Variants in TMPRSS11A observed in about 807,000 individuals in gnomAD.
The protein encoded by TMPRSS11A is transmembrane serine protease 11A.
Under a neutral mutation model 58.9 loss-of-function variants are expected in TMPRSS11A, and 53 were observed. The observed-to-expected ratio is 0.90, with a 90% CI of 0.72 to 1.13. The LOEUF is 1.13. Among genes scored for constraint, TMPRSS11A ranks in the 50% most tolerant of loss-of-function variants. TMPRSS11A has a pLI of 0.00. For missense variants in TMPRSS11A, 493 were observed against 499.3 expected, an observed-to-expected ratio of 0.99 and a Z score of 0.12; for synonymous variants, 167 against 169.8, an observed-to-expected ratio of 0.98 and a Z score of 0.13.
At chr4:67,926,288 C>T (rs1720465039) in intron 5 of TMPRSS11A, among the ~76,000 whole-genome samples, 1 of 152,144 alleles carries the variant, frequency 6.6e-6, no homozygotes, top group African/African-American at 2.4e-5. Flanking sequence ...TCTTGGGCTA[C>T]AGGATTATTT....
intron 1 of TMPRSS11A, among the ~76,000 whole-genome samples, chr4:67,958,261 G>A (rs1367851970): frequency 2.0e-5 from 3 of 152,148 alleles, no homozygotes; most frequent in Admixed American, 1.3e-4. Context: ...TAGATTCACC[G>A]ACAGCTTTCA....
chr4:67,914,621 G>A lies in TMPRSS11A; in HGVS notation c.1062C>T (p.Ala354=), dbSNP rs139062730. Residue 354 remains alanine (A), a synonymous_variant, in exon 9 of 10, where the codon GCC becomes GCT. Coordinates refer to ENST00000508048, the MANE Select transcript of TMPRSS11A (RefSeq NM_001114387.2). The stretch of plus-strand genomic sequence containing the variant: ...CATCATAAATTCCTTCCATATATCC[G>A]GCACAGAACATTCCAGGTTTTATAT... ...GNDIKPGMFC[A]GYMEGIYDAC... is the part of the protein sequence containing the mutation. 7.1e-5 allele frequency: 115 copies of A among 1,613,074 alleles called. No individual in the cohort carries two copies. The highest frequency in any genetic ancestry group is 3.3e-4 in the Middle Eastern group (2 of 6,058).
At chr4:67,917,358 CTT>C (rs1720186637) in intron 8 of TMPRSS11A, among the ~76,000 whole-genome samples, 2 of 152,030 alleles carry the variant, frequency 1.3e-5, no homozygotes, top group Non-Finnish European at 2.9e-5. Context: ...GAGATATTCT[CTT>C]TATTTACATA....
chr4:67,939,195 G>C (rs1720821001), intron 3 of TMPRSS11A, among the ~76,000 whole-genome samples: 1 of 151,998 alleles, frequency 6.6e-6, no homozygotes, highest in Admixed American at 6.5e-5. Context: ...AAATGGGATT[G>C]TGTTCTTGAT....
intron 7 of TMPRSS11A, among the ~76,000 whole-genome samples, chr4:67,919,734 G>A (rs755962367): frequency 8.5e-5 from 13 of 152,148 alleles, no homozygotes; most frequent in Non-Finnish European, 1.8e-4. Flanking sequence ...TTTTGATAAC[G>A]CATTTGGGCT....
intron 1 of TMPRSS11A, among the ~76,000 whole-genome samples, chr4:67,947,202 C>T (rs185668249): frequency 9.2e-5 from 14 of 152,172 alleles, no homozygotes; most frequent in Non-Finnish European, 1.9e-4. Context: ...AACCATGATA[C>T]TCTTAACACT....
At chr4:67,920,553 T>A (rs866654201) in intron 7 of TMPRSS11A, among the ~76,000 whole-genome samples, 1,402 of 121,354 alleles carry the variant, frequency 0.012, 28 homozygotes, top group African/African-American at 0.039. Flanking sequence ...ATATATATTT[T>A]TTTTTATATA....
In TMPRSS11A at chr4:67,944,571, C is replaced by A. The variant is rs1337034665; in HGVS notation, c.200G>T (p.Gly67Val). ...ILDPQINNNF[G>V]QSNTYQLKDL... The stretch of plus-strand genomic sequence containing the variant: ...CTTAAGTTGATATGTGTTGCTTTGT[C>A]CGAAATTGTTATTGATTTGTGGATC... The change falls in exon 3 of 10, where the codon GGA becomes GTA. Residue 67 changes from glycine to valine, a missense_variant. By Grantham distance (109) the Gly-to-Val change is moderately radical (BLOSUM62 -3). Coordinates refer to ENST00000508048, the MANE Select transcript of TMPRSS11A (RefSeq NM_001114387.2). The A allele has an allele frequency of 1.2e-5, 19 of 1,613,066 alleles. No individual in the cohort carries two copies. The highest frequency in any genetic ancestry group is 1.4e-5 in the Non-Finnish European group (16 of 1,179,278).
intron 1 of TMPRSS11A, among the ~76,000 whole-genome samples, chr4:67,947,510 T>C (rs1280749420): frequency 2.6e-5 from 4 of 152,232 alleles, no homozygotes; most frequent in Non-Finnish European, 5.9e-5. Flanking sequence ...CTTGTTCTTT[T>C]ATATCCCTCA....
intron 4 of TMPRSS11A, among the ~76,000 whole-genome samples, chr4:67,931,703 G>A (rs1720627688): frequency 6.6e-6 from 1 of 152,152 alleles, no homozygotes; most frequent in African/African-American, 2.4e-5. Flanking sequence ...GGTTCTGGTA[G>A]GTTCCAGGCC....
chr4:67,909,811 A>T lies in TMPRSS11A; in HGVS notation c.*1531T>A, dbSNP rs185662471. On this transcript the variant is annotated 3_prime_UTR_variant, in exon 10 of 10. Transcript: ENST00000508048. ...AGAATATACTCATATTCTTAAACAT[A>T]ACATAAGTATATTGGCCTATGTGAC... 1 of 152,124 alleles carries T rather than the reference A, an allele frequency of 6.6e-6. No individual in the cohort carries two copies. Among genetic ancestry groups the T allele is most frequent in the African/African-American group, 2.4e-5 (1 of 41,444 alleles). The allele number at this position is 152,124 out of a possible 1,614,324, so 9.4% of individuals were successfully genotyped here. A position where few individuals can be genotyped will look rare whatever the true frequency, so the allele number is the denominator to read the frequency against.
At position 67,919,202 on chromosome 4, in the gene TMPRSS11A, A is replaced by G; in HGVS notation, c.723T>C (p.Ser241=). 2 of 1,614,152 alleles carry G rather than the reference A, an allele frequency of 1.2e-6. No individual in the cohort carries two copies. Among genetic ancestry groups the G allele is most frequent in the Non-Finnish European group, 1.7e-6 (2 of 1,180,000 alleles). Residue 241 remains serine (S), a synonymous_variant, in exon 8 of 10, where the codon AGT becomes AGC. Coordinates refer to ENST00000508048, the MANE Select transcript of TMPRSS11A (RefSeq NM_001114387.2). Reference sequence around the variant, plus strand: ...AGGGAGGGTTGATTTTTGTTCCAAAACTAACAGTCCATTGATGTGGATTTT... The same window carrying G: ...AGGGAGGGTTGATTTTTGTTCCAAAGCTAACAGTCCATTGATGTGGATTTT... ...KYKNPHQWTV[S]FGTKINPPLM... is the part of the protein sequence containing the mutation.
rs541341826 is a variant in TMPRSS11A, at chr4:67,910,945, T to C, written c.*397A>G. ...AGTATTTGTGAGCTCGAGAGAAATGTAGGGAATTATACAAGGGTTTCTTGA... is the reference window on the plus strand; with the variant it reads ...AGTATTTGTGAGCTCGAGAGAAATGCAGGGAATTATACAAGGGTTTCTTGA... On this transcript the variant is annotated 3_prime_UTR_variant, in exon 10 of 10. Transcript: ENST00000508048. The C allele has an allele frequency of 3.2e-5, 5 of 155,240 alleles. No homozygotes were observed. The highest frequency in any genetic ancestry group is 1.2e-4 in the African/African-American group (5 of 41,682). The allele number at this position is 155,240 out of a possible 1,614,324, so 9.6% of individuals were successfully genotyped here.
intron 5 of TMPRSS11A, among the ~76,000 whole-genome samples, chr4:67,929,615 T>C (rs1220341225): frequency 2.0e-5 from 3 of 152,212 alleles, no homozygotes; most frequent in African/African-American, 7.2e-5. Flanking sequence ...CTGGGTGGGA[T>C]TAACTCTCTG....
At chr4:67,940,100 A>G (rs1026632356) in intron 3 of TMPRSS11A, among the ~76,000 whole-genome samples, 6 of 152,160 alleles carry the variant, frequency 3.9e-5, no homozygotes, top group Non-Finnish European at 8.8e-5. Flanking sequence ...GATTTTGGAA[A>G]ATTAACTTTT....
intron 8 of TMPRSS11A, among the ~76,000 whole-genome samples, chr4:67,915,921 T>C (rs566945650): frequency 1.3e-5 from 2 of 152,330 alleles, no homozygotes; most frequent in South Asian, 2.1e-4. Flanking sequence ...TTGTTACACA[T>C]TTATAAAAAA....
rs548530297 is a variant in TMPRSS11A at position 67,911,306 on chromosome 4, T to C, written c.*36A>G. The stretch of plus-strand genomic sequence containing the variant: ...GTTGAATTCTCATGCATATATGACC[T>C]GCATACAGCTTTCTTTGTTTAACTT... On this transcript the variant is annotated 3_prime_UTR_variant, in exon 10 of 10. Coordinates refer to ENST00000508048, the MANE Select transcript of TMPRSS11A (RefSeq NM_001114387.2). 44 of 1,604,884 alleles carry C rather than the reference T, an allele frequency of 2.7e-5. No homozygotes were observed. The South Asian group carries it at 4.7e-4, about 17-fold the overall frequency.
At chr4:67,923,068 C>A in intron 6 of TMPRSS11A, 142 bp from the exon 7 acceptor site, 1 of 699,856 alleles carries the variant, frequency 1.4e-6, no homozygotes, top group South Asian at 1.8e-5. Context: ...GGATTCATGG[C>A]CTCTTCTCTC....
chr4:67,915,932 C>T (rs1720132719), intron 8 of TMPRSS11A, among the ~76,000 whole-genome samples: 1 of 152,166 alleles, frequency 6.6e-6, no homozygotes, highest in Admixed American at 6.5e-5. Context: ...TTATAAAAAA[C>T]TAATACAAGA....
Sources: allele counts gnomAD v4.1 joint callset (sites outside exome capture counted in the v4.1 genomes callset), GRCh38; gene constraint gnomAD v4.1.1; transcripts MANE v1.5; gene names NCBI Gene and HGNC (gene_info 2026-07-23, HGNC 2026-07-21).